Variants in SLC20A2 observed in about 807,000 individuals in gnomAD.
The protein encoded by SLC20A2 is solute carrier family 20 member 2.
In SLC20A2, 30 loss-of-function variants were observed where a neutral mutation model predicts 61.0. The observed-to-expected ratio is 0.49, with a 90% CI of 0.37 to 0.67. The LOEUF (loss-of-function observed/expected upper bound fraction) is 0.67. Among genes scored for constraint, SLC20A2 ranks in the 30% least tolerant of loss-of-function variants. The pLI is 0.00. For synonymous variants in SLC20A2, 351 were observed against 353.3 expected (o/e 0.99, Z 0.07); for missense variants, 626 against 866.4 (o/e 0.72, Z 3.48).
At chr8:42,511,712 T>C (rs1811043890) in intron 1 of SLC20A2, among the ~76,000 whole-genome samples, 1 of 151,938 alleles carries the variant, frequency 6.6e-6, no homozygotes, top group Admixed American at 6.6e-5. Context: ...TAAGAGGATC[T>C]AGTTGCACTT....
intron 2 of SLC20A2, among the ~76,000 whole-genome samples, chr8:42,469,933 A>C (rs1195690816): frequency 1.3e-5 from 2 of 152,080 alleles, no homozygotes; most frequent in Admixed American, 6.6e-5. Flanking sequence ...GTCTCAAAAA[A>C]AAAAAAAAAG....
Position 42,417,891 on chromosome 8 carries a change from A to G in SLC20A2, c.1871T>C (p.Val624Ala). The G allele has an allele frequency of 6.2e-7, 1 of 1,614,136 alleles. No individual in the cohort carries two copies. Among genetic ancestry groups the G allele is most frequent in the Non-Finnish European group, 8.5e-7 (1 of 1,180,000 alleles). Residue 624 changes from valine (V) to alanine (A), a missense_variant, in exon 11 of 11, where the codon GTG becomes GCG. Coordinates refer to ENST00000520262, the MANE Select transcript of SLC20A2 (RefSeq NM_001257180.2). ...CACAGGGACGGTCACGAACCAGGCCACGAAGATGTTCCGAAAGAGGCGCCA... is the reference window on the plus strand; with the variant it reads ...CACAGGGACGGTCACGAACCAGGCCGCGAAGATGTTCCGAAAGAGGCGCCA... ...VDWRLFRNIF[V>A]AWFVTVPVAG... is the part of the protein sequence containing the mutation.
chr8:42,472,080 G>C lies in SLC20A2; in HGVS notation c.289+22C>G, dbSNP rs755142926. The C allele has an allele frequency of 4.3e-6, 7 of 1,609,250 alleles. No homozygotes were observed. Among genetic ancestry groups the C allele is most frequent in the Non-Finnish European group, 8.5e-7 (1 of 1,177,348 alleles). The stretch of plus-strand genomic sequence containing the variant: ...GGGTCAGTGGGCGGATGTCCCATCG[G>C]TATAGAGAAGAGGCTACTCACCAAC... On this transcript the variant is annotated intron_variant, in intron 2 of 10. Transcript: ENST00000520262. This position sits in a 1 kb window ranked among gnomAD's most constrained non-coding sequence, Gnocchi z 4.1.
intron 5 of SLC20A2, among the ~76,000 whole-genome samples, chr8:42,446,893 A>AAT (rs1367535430): frequency 6.6e-6 from 1 of 152,134 alleles, no homozygotes; most frequent in Non-Finnish European, 1.5e-5. Flanking sequence ...AAGAAATAAA[A>AAT]ATATATATAC....
At chr8:42,479,063 G>T (rs2131265423) in intron 1 of SLC20A2, among the ~76,000 whole-genome samples, 1 of 152,286 alleles carries the variant, frequency 6.6e-6, no homozygotes, top group South Asian at 2.1e-4. Flanking sequence ...CTCTTCTGGG[G>T]CCAGGGAACA....
chr8:42,527,938 C>T (rs1049673895), intron 1 of SLC20A2, among the ~76,000 whole-genome samples: 3 of 152,064 alleles, frequency 2.0e-5, no homozygotes, highest in African/African-American at 4.8e-5. Flanking sequence ...ACCAAAAAGT[C>T]AGCGAAACTA....
intron 1 of SLC20A2, among the ~76,000 whole-genome samples, chr8:42,514,628 C>T (rs1295669345): frequency 6.6e-6 from 1 of 151,852 alleles, no homozygotes; most frequent in Non-Finnish European, 1.5e-5. Context: ...CATGGTGGTA[C>T]GCGCCTGTAA....
chr8:42,462,874 T>C, intron 4 of SLC20A2, 131 bp downstream of exon 4: 1 of 507,790 alleles, frequency 2.0e-6, no homozygotes, highest in East Asian at 3.3e-5. Context: ...CATCTGACGC[T>C]AACTGCAGGG....
Position 42,441,465 on chromosome 8 carries a change from T to TAATAGAAACAGGGTTTCTCCA in SLC20A2, c.731-1813_731-1812insTGGAGAAACCCTGTTTCTATT, listed in dbSNP as rs1404574198. ...CCGTGCCTGGGCTATTTTGTTCTTT[T>TAATAGAAACAGGGTTTCTCCA]TGTTTGTTTGTTTGTTTGTTTTGAG... On this transcript the variant is annotated intron_variant, in intron 6 of 10. Transcript: ENST00000520262. Among the ~76,000 whole-genome samples, 108 of 150,966 alleles carry TAATAGAAACAGGGTTTCTCCA rather than the reference T, an allele frequency of 7.2e-4. 1 individual carries two copies. The highest frequency in any genetic ancestry group is 2.3e-3 in the African/African-American group (95 of 40,838).
intron 1 of SLC20A2, among the ~76,000 whole-genome samples, chr8:42,481,604 G>T (rs1808557041): frequency 6.6e-6 from 1 of 152,092 alleles, no homozygotes; most frequent in Non-Finnish European, 1.5e-5. Flanking sequence ...GACATCTTCT[G>T]GTCCTGTCCA....
At chr8:42,433,786 C>A (rs934330597) in intron 8 of SLC20A2, among the ~76,000 whole-genome samples, 4 of 152,232 alleles carry the variant, frequency 2.6e-5, no homozygotes, top group Non-Finnish European at 2.9e-5. Flanking sequence ...GTTCTCCCCT[C>A]TTGCCTATTG....
intron 10 of SLC20A2, among the ~76,000 whole-genome samples, chr8:42,420,830 G>A (rs540133392): frequency 4.2e-4 from 64 of 152,174 alleles, no homozygotes; most frequent in African/African-American, 1.5e-3. Flanking sequence ...ATCATCCCAC[G>A]GGGAAACTGC....
intron 1 of SLC20A2, among the ~76,000 whole-genome samples, chr8:42,513,252 T>C (rs565886079): frequency 6.6e-5 from 10 of 152,294 alleles, no homozygotes; most frequent in African/African-American, 2.4e-4. Flanking sequence ...GAACTGTCCA[T>C]ATAAGGGCAT....
intron 7 of SLC20A2, among the ~76,000 whole-genome samples, chr8:42,438,367 G>A (rs1804510740): frequency 6.6e-6 from 1 of 152,184 alleles, no homozygotes; most frequent in Admixed American, 6.5e-5. Flanking sequence ...AGGCTGGAGT[G>A]CAGTGGTGCA....
chr8:42,450,230 C>A (rs1190117494), intron 5 of SLC20A2, among the ~76,000 whole-genome samples: 1 of 148,970 alleles, frequency 6.7e-6, no homozygotes, highest in Non-Finnish European at 1.5e-5. Flanking sequence ...TTTTTTCGTT[C>A]GTTCTTTTTT....
chr8:42,419,533 A>G (rs182006759), intron 10 of SLC20A2: 1 of 175,054 alleles, frequency 5.7e-6, no homozygotes. Context: ...TGGACAACAG[A>G]ATGAGACTCA....
At chr8:42,461,308 G>A (rs1806679035) in intron 4 of SLC20A2, among the ~76,000 whole-genome samples, 4 of 152,152 alleles carry the variant, frequency 2.6e-5, no homozygotes, top group Admixed American at 2.6e-4. Flanking sequence ...AATGCTGGGA[G>A]GCTCAATGAC....
Position 42,439,537 on chromosome 8 carries a change from T to C in SLC20A2, c.847A>G (p.Ser283Gly). 6.2e-7 allele frequency: 1 copy of C among 1,614,218 alleles called. No individual in the cohort carries two copies. The highest frequency in any genetic ancestry group is 1.1e-5 in the South Asian group (1 of 91,088). The change falls in exon 7 of 11, where the codon AGC becomes GGC. Residue 283 changes from serine to glycine, a missense_variant. Transcript: ENST00000520262. ...ELPGAKANDDSTIPLTGAAGE... is the reference protein window; with the variant it reads ...ELPGAKANDDGTIPLTGAAGE... ...GCTGCTCCCGTGAGCGGGATGGTGC[T>C]GTCATCATTAGCCTTGGCACCTGGT...
At chr8:42,522,573 T>C (rs1811651712) in intron 1 of SLC20A2, among the ~76,000 whole-genome samples, 1 of 119,314 alleles carries the variant, frequency 8.4e-6, no homozygotes, top group Admixed American at 8.4e-5. Context: ...CCCAGCTACT[T>C]GGGAGGCTGA....
Sources: allele counts gnomAD v4.1 joint callset (sites outside exome capture counted in the v4.1 genomes callset), GRCh38; gene constraint gnomAD v4.1.1; non-coding constraint Gnocchi (gnomAD v3.1); transcripts MANE v1.5; gene names NCBI Gene and HGNC (gene_info 2026-07-23, HGNC 2026-07-21).